SMARCC1: variants seen among roughly 807,000 people sequenced by gnomAD.
SMARCC1 encodes the protein SWI/SNF complex subunit SMARCC1.
In SMARCC1, 43 loss-of-function variants were observed where a neutral mutation model predicts 147.4. The ratio of observed to expected loss-of-function variants is 0.29; its 90% CI spans 0.23 to 0.38. The LOEUF is 0.38. Among genes scored for constraint, SMARCC1 ranks in the 10% least tolerant of loss-of-function variants. The pLI, the probability that SMARCC1 is intolerant of heterozygous loss-of-function variation, is 1.00. For missense variants in SMARCC1, 1,119 were observed against 1,381.1 expected, an observed-to-expected ratio of 0.81 and a Z score of 3.01; for synonymous variants, 495 against 484.4, an observed-to-expected ratio of 1.02 and a Z score of -0.29.
intron 7 of SMARCC1, among the ~76,000 whole-genome samples, chr3:47,718,578 G>A (rs1452675739): frequency 6.6e-6 from 1 of 152,022 alleles, no homozygotes; most frequent in Non-Finnish European, 1.5e-5. Context: ...GGGGGTAGGG[G>A]CAAGGGATAA....
chr3:47,777,185 C>T (rs1414112201), intron 1 of SMARCC1, among the ~76,000 whole-genome samples: 3 of 151,302 alleles, frequency 2.0e-5, no homozygotes, highest in South Asian at 2.1e-4. Flanking sequence ...CGGGTTCCAG[C>T]GATTCTCCTG....
chr3:47,666,089 C>T (rs950288377), intron 19 of SMARCC1, among the ~76,000 whole-genome samples: 9 of 152,204 alleles, frequency 5.9e-5, no homozygotes, highest in African/African-American at 2.2e-4. Context: ...TTAAGCCAAA[C>T]ATGATCAGGA....
At chr3:47,718,003 A>T (rs1443185351) in intron 7 of SMARCC1, among the ~76,000 whole-genome samples, 1 of 151,802 alleles carries the variant, frequency 6.6e-6, no homozygotes, top group Non-Finnish European at 1.5e-5. Context: ...CGCCAACAAA[A>T]AATTAAAAAA....
chr3:47,603,777 A>C (rs1456127253), intron 26 of SMARCC1: 4 of 310,934 alleles, frequency 1.3e-5, no homozygotes, highest in Middle Eastern at 2.2e-3. Context: ...AGGTGGTCTA[A>C]GAACAGTTGG....
chr3:47,726,379 G>A (rs1262081250), intron 6 of SMARCC1, among the ~76,000 whole-genome samples: 4 of 151,312 alleles, frequency 2.6e-5, no homozygotes, highest in Non-Finnish European at 5.9e-5. Context: ...CTACATGGTG[G>A]AACGCTTTTA....
At chr3:47,700,793 G>T (rs2033908337) in intron 11 of SMARCC1, among the ~76,000 whole-genome samples, 1 of 152,140 alleles carries the variant, frequency 6.6e-6, no homozygotes, top group South Asian at 2.1e-4. Context: ...CCCAAGTGCT[G>T]GGGTTACAGG....
At position 47,676,779 on chromosome 3, in the gene SMARCC1, G is replaced by T. The variant is rs1267408461; in HGVS notation, c.1575C>A (p.Val525=). The T allele has an allele frequency of 2.5e-6, 4 of 1,612,726 alleles. No homozygotes were observed. Among genetic ancestry groups the T allele is most frequent in the Non-Finnish European group, 3.4e-6 (4 of 1,179,750 alleles). The change falls in exon 17 of 28, where the codon GTC becomes GTA. Residue 525 remains valine, a synonymous_variant. Coordinates refer to ENST00000254480, the MANE Select transcript of SMARCC1 (RefSeq NM_003074.4). ...LTGDVCAVMR[V]HAFLEQWGLV... ...GTCCCCACTGCTCTAAAAAGGCATG[G>T]ACCCTAAAGAATAAAGCTCGGAAAG...
At chr3:47,768,459 T>A (rs1225449419) in intron 2 of SMARCC1, among the ~76,000 whole-genome samples, 1 of 152,184 alleles carries the variant, frequency 6.6e-6, no homozygotes, top group Non-Finnish European at 1.5e-5. Context: ...AGCCTACATA[T>A]AACACTCTCT....
chr3:47,723,500 CA>C (rs1449973544), intron 6 of SMARCC1, among the ~76,000 whole-genome samples: 1 of 150,824 alleles, frequency 6.6e-6, no homozygotes. Flanking sequence ...AAAAGGCCTA[CA>C]ACTGAACAAC....
intron 21 of SMARCC1, among the ~76,000 whole-genome samples, chr3:47,643,977 A>T (rs2033085020): frequency 6.6e-6 from 1 of 152,200 alleles, no homozygotes; most frequent in Admixed American, 6.6e-5. Context: ...GAATGCGGCC[A>T]GCAATTCAAG....
chr3:47,637,029 C>T (rs969501078), intron 22 of SMARCC1, among the ~76,000 whole-genome samples: 2 of 152,112 alleles, frequency 1.3e-5, no homozygotes, highest in African/African-American at 4.8e-5. Flanking sequence ...CCGCAACTGA[C>T]TATCACTGAC....
At chr3:47,759,724 C>T (rs959821692) in intron 2 of SMARCC1, among the ~76,000 whole-genome samples, 14 of 151,354 alleles carry the variant, frequency 9.2e-5, no homozygotes, top group African/African-American at 3.2e-4. Flanking sequence ...CACCTGAGGT[C>T]AGGAGTTCAA....
At chr3:47,610,013 T>C in intron 26 of SMARCC1, 53 bp downstream of exon 26, 1 of 1,583,290 alleles carries the variant, frequency 6.3e-7, no homozygotes, top group Non-Finnish European at 8.6e-7. Flanking sequence ...AATGATGCTC[T>C]GTGCCTCTGT....
chr3:47,609,754 A>G (rs979515941), intron 26 of SMARCC1, among the ~76,000 whole-genome samples: 5 of 152,156 alleles, frequency 3.3e-5, no homozygotes, highest in African/African-American at 1.2e-4. Flanking sequence ...GTGTGTATTT[A>G]TCTTTGAAAA....
In SMARCC1 at chr3:47,661,336, T is replaced by G. The variant is rs1466821560; in HGVS notation, c.2278A>C (p.Ser760Arg). The change falls in exon 21 of 28, where the codon AGC becomes CGC. Residue 760 changes from serine (S) to arginine (R), a missense_variant. This residue lies in a region of SMARCC1 where 157 missense variants were observed against 158.6 expected (regional missense o/e 0.99). Transcript: ENST00000254480. ...TCGGGCCCTGTGCCTGCAATGCAGC[T>G]GCTCTCCAGACCGTAGGTGGGATCC... ...KVDPTYGLES[S>R]CIAGTGPDEP... 1 of 1,613,674 alleles carries G rather than the reference T, an allele frequency of 6.2e-7. No individual in the cohort carries two copies. Among genetic ancestry groups the G allele is most frequent in the Admixed American group, 1.7e-5 (1 of 59,856 alleles).
chr3:47,651,840 C>T (rs2033194361), intron 21 of SMARCC1, among the ~76,000 whole-genome samples: 1 of 152,066 alleles, frequency 6.6e-6, no homozygotes, highest in South Asian at 2.1e-4. Flanking sequence ...CTTTGTTTAC[C>T]AGTATCCTAG....
chr3:47,678,024 ATAAT>A (rs1227424266), intron 16 of SMARCC1, among the ~76,000 whole-genome samples, 170 bp downstream of exon 16: 1 of 152,122 alleles, frequency 6.6e-6, no homozygotes, highest in East Asian at 1.9e-4. Context: ...TAAAAATAAA[ATAAT>A]TAAATTGAAT....
chr3:47,646,116 T>TC (rs768225145), intron 21 of SMARCC1, among the ~76,000 whole-genome samples: 2 of 152,062 alleles, frequency 1.3e-5, no homozygotes, highest in Non-Finnish European at 2.9e-5. Context: ...GCCCAGGAGT[T>TC]CAAGAATAGC....
intron 10 of SMARCC1, among the ~76,000 whole-genome samples, chr3:47,705,572 A>C (rs1414731500): frequency 1.3e-5 from 2 of 152,192 alleles, no homozygotes; most frequent in East Asian, 3.9e-4. Context: ...AATACGATTC[A>C]AGGCATGTTC....
Sources: gnomAD v4.1 joint callset for allele counts (sites outside exome capture counted in the v4.1 genomes callset) on GRCh38, gnomAD v4.1.1 for gene constraint, gnomAD v4.1.1 regional missense constraint, MANE v1.5 for transcripts, NCBI Gene and HGNC (gene_info 2026-07-23, HGNC 2026-07-21) for gene names.